TCTN2: variants seen among roughly 807,000 people sequenced by gnomAD.
The protein encoded by TCTN2 is tectonic-2.
TCTN2 carries 66 observed loss-of-function variants against 83.4 expected under a neutral mutation model. The observed-to-expected ratio is 0.79, with a 90% CI of 0.65 to 0.97. The LOEUF (loss-of-function observed/expected upper bound fraction) is 0.97, where lower values mean the gene tolerates loss of function less well. TCTN2 is among the 50% of genes least tolerant of loss of function. TCTN2 has a pLI of 0.00. For missense variants in TCTN2, 794 were observed against 858.1 expected (o/e 0.93, Z 0.93); for synonymous variants, 301 against 326.7 (o/e 0.92, Z 0.85).
intron 5 of TCTN2, among the ~76,000 whole-genome samples, chr12:123,681,907 CTGTT>C (rs1345208359): frequency 6.6e-6 from 1 of 152,086 alleles, no homozygotes; most frequent in Non-Finnish European, 1.5e-5. Flanking sequence ...TATTATTTGT[CTGTT>C]TGGTTATAGC....
intron 9 of TCTN2, among the ~76,000 whole-genome samples, chr12:123,693,218 G>A (rs1409157082): frequency 6.6e-6 from 1 of 151,098 alleles, no homozygotes; most frequent in African/African-American, 2.4e-5. Context: ...TAGAGACGGG[G>A]TTTCTCCCTG....
chr12:123,678,171 C>T (rs1028276539), intron 4 of TCTN2, among the ~76,000 whole-genome samples: 1 of 152,182 alleles, frequency 6.6e-6, no homozygotes. Flanking sequence ...CCCATACTCT[C>T]GTGGTCAGAC....
intron 5 of TCTN2, among the ~76,000 whole-genome samples, chr12:123,680,520 C>T (rs1566247843): frequency 2.2e-5 from 3 of 138,642 alleles, no homozygotes; most frequent in Admixed American, 7.3e-5. Flanking sequence ...TTTTTTCTTT[C>T]TTTTTTTTTT....
intron 14 of TCTN2, among the ~76,000 whole-genome samples, chr12:123,701,302 T>C (rs1293168192): frequency 2.0e-5 from 3 of 152,148 alleles, no homozygotes; most frequent in African/African-American, 7.2e-5. Context: ...CGCAGAGTGA[T>C]AAAATGTTCT....
chr12:123,699,831 A>C, intron 14 of TCTN2, 21 bp downstream of exon 14: 1 of 1,587,266 alleles, frequency 6.3e-7, no homozygotes, highest in Non-Finnish European at 8.7e-7. Flanking sequence ...CCCGGGTACA[A>C]TAAAGCCTGT....
chr12:123,692,780 C>T (rs1956059205), intron 9 of TCTN2, 57 bp downstream of exon 9: 1 of 1,334,462 alleles, frequency 7.5e-7, no homozygotes, highest in African/African-American at 1.5e-5. Context: ...TCATTTCTTA[C>T]AAGTAATATA....
intron 4 of TCTN2, 32 bp downstream of exon 4, chr12:123,673,842 A>G (rs2135816667): frequency 2.5e-6 from 4 of 1,604,438 alleles, no homozygotes; most frequent in Middle Eastern, 1.7e-4. Context: ...CAAAACTTTC[A>G]TGTTGTTCCC....
chr12:123,682,470 T>G (rs1033292647), intron 5 of TCTN2, among the ~76,000 whole-genome samples: 1 of 152,022 alleles, frequency 6.6e-6, no homozygotes, highest in Non-Finnish European at 1.5e-5. Context: ...TTTTTTTTGT[T>G]TGTTTTATTT....
In TCTN2 at chr12:123,706,842, CCCTGACAAGGTACTCCAGTTG is replaced by C; in HGVS notation, c.1888_1895+13del. 2 of 1,614,068 alleles carry C rather than the reference CCCTGACAAGGTACTCCAGTTG, an allele frequency of 1.2e-6. No individual in the cohort carries two copies. Among genetic ancestry groups the C allele is most frequent in the Non-Finnish European group, 1.7e-6 (2 of 1,180,008 alleles). ...AAAATTCCTGCACAGTTACCCCACC[CCCTGACAAGGTACTCCAGTTG>C]CTCACCTAGTTGACATTAGGAAGCA... On this transcript the variant is annotated splice_donor_variant and splice_donor_5th_base_variant and coding_sequence_variant and intron_variant, in exon 16 of 18. Coordinates refer to ENST00000303372, the MANE Select transcript of TCTN2 (RefSeq NM_024809.5). LOFTEE classifies it high-confidence loss of function.
chr12:123,699,851 G>A, intron 14 of TCTN2, 41 bp downstream of exon 14: 1 of 1,510,290 alleles, frequency 6.6e-7, no homozygotes, highest in Non-Finnish European at 9.2e-7. Context: ...TAACTTGGTT[G>A]CTGTGACTAC....
At chr12:123,692,567 C>T in intron 8 of TCTN2, 91 bp from the exon 9 acceptor site, 1 of 1,083,702 alleles carries the variant, frequency 9.2e-7, no homozygotes, top group Non-Finnish European at 1.4e-6. Context: ...TTGCGGTCAC[C>T]ATATTTGCTT....
At chr12:123,695,406 G>A in intron 11 of TCTN2, 109 bp downstream of exon 11, 1 of 801,142 alleles carries the variant, frequency 1.2e-6, no homozygotes, top group Non-Finnish European at 2.2e-6. Flanking sequence ...TTCTGACTCT[G>A]ACCTTTTTCT....
chr12:123,701,271 G>C (rs1956168854), intron 14 of TCTN2, among the ~76,000 whole-genome samples: 1 of 152,188 alleles, frequency 6.6e-6, no homozygotes, highest in African/African-American at 2.4e-5. Context: ...GGGAGAGACT[G>C]CCGTGGGTAA....
chr12:123,706,262 G>T (rs1200192526), intron 15 of TCTN2, among the ~76,000 whole-genome samples: 3 of 152,142 alleles, frequency 2.0e-5, no homozygotes, highest in Non-Finnish European at 2.9e-5. Context: ...AGGGAAAATG[G>T]GAGTGCAGTT....
At position 123,672,350 on chromosome 12, in the gene TCTN2, A is replaced by G. The variant is rs7306549; in HGVS notation, c.267+218A>G. On this transcript the variant is annotated intron_variant, in intron 3 of 17. Coordinates refer to ENST00000303372, the MANE Select transcript of TCTN2 (RefSeq NM_024809.5). Reference sequence around the variant, plus strand: ...GTATTTCAGTGGGTCTGTGAACTCTATGAAATTGTATGTAAAGTTCTGTGT... The same window carrying G: ...GTATTTCAGTGGGTCTGTGAACTCTGTGAAATTGTATGTAAAGTTCTGTGT... Among the ~76,000 whole-genome samples the G allele has an allele frequency of 0.41, 62,629 of 151,926 alleles. 13,742 individuals are homozygous for G. Among genetic ancestry groups the G allele is most frequent in the African/African-American group, 0.54 (22,423 of 41,408 alleles).
intron 14 of TCTN2, chr12:123,700,091 C>A: frequency 2.0e-6 from 1 of 503,986 alleles, no homozygotes; most frequent in Non-Finnish European, 3.6e-6. Flanking sequence ...AGCTCATTGC[C>A]TCCTCATCCT....
At chr12:123,681,238 C>T (rs1053331280) in intron 5 of TCTN2, among the ~76,000 whole-genome samples, 2 of 136,256 alleles carry the variant, frequency 1.5e-5, no homozygotes, top group East Asian at 3.9e-4. Flanking sequence ...GCCTAGGCGA[C>T]AGAGCAAGAC....
At chr12:123,704,108 G>A (rs759487367) in intron 14 of TCTN2, among the ~76,000 whole-genome samples, 1 of 148,460 alleles carries the variant, frequency 6.7e-6, no homozygotes, top group Admixed American at 6.9e-5. Context: ...CCAGGTTCAC[G>A]CCATTCTCCT....
Position 123,694,969 on chromosome 12 carries a change from C to T in TCTN2, c.1227C>T (p.His409=), listed in dbSNP as rs1485881001. Residue 409 remains histidine, a synonymous_variant, in exon 10 of 18, where the codon CAC becomes CAT. Coordinates refer to ENST00000303372, the MANE Select transcript of TCTN2 (RefSeq NM_024809.5). ...TTTTTAGGGCAGAGATTAATGCCCACCAGAAAGGTAACTTTGATGAGGGTA... is the reference window on the plus strand; with the variant it reads ...TTTTTAGGGCAGAGATTAATGCCCATCAGAAAGGTAACTTTGATGAGGGTA... ...VKIFRAEINA[H]QKGIMTQRFV... is the part of the protein sequence containing the mutation. The T allele has an allele frequency of 6.2e-7, 1 of 1,613,308 alleles. No homozygotes were observed. The highest frequency in any genetic ancestry group is 1.7e-5 in the Admixed American group (1 of 59,996).
Sources: gnomAD v4.1 joint callset for allele counts (sites outside exome capture counted in the v4.1 genomes callset) on GRCh38, gnomAD v4.1.1 for gene constraint, MANE v1.5 for transcripts, NCBI Gene and HGNC (gene_info 2026-07-23, HGNC 2026-07-21) for gene names.